The following TLK2 variants were observed in gnomAD, a reference collection of about 807,000 sequenced individuals.
The protein encoded by TLK2 is tousled like kinase 2.
In TLK2, 6 loss-of-function variants were observed where a neutral mutation model predicts 117.3. That is an observed-to-expected ratio of 0.05 (90% CI 0.03 to 0.10). TLK2 has a LOEUF of 0.10. TLK2 is among the 10% of genes least tolerant of loss of function. The pLI is 1.00. For missense variants in TLK2, 299 were observed against 901.2 expected (o/e 0.33, Z 8.56); for synonymous variants, 257 against 316.7 (o/e 0.81, Z 2.00).
chr17:62,505,407 A>ATT (rs544900638), intron 2 of TLK2, among the ~76,000 whole-genome samples: 34,814 of 53,456 alleles, frequency 0.65, 14,668 homozygotes, highest in East Asian at 0.86. Context: ...CCATACCCAG[A>ATT]TTTTTTTTTT....
chr17:62,540,277 CCTT>C (rs912762225), intron 7 of TLK2, among the ~76,000 whole-genome samples: 1 of 150,796 alleles, frequency 6.6e-6, no homozygotes, highest in Non-Finnish European at 1.5e-5. Context: ...CAACTTTTCT[CCTT>C]CTAATTGTTA....
chr17:62,527,993 G>A (rs898805265), intron 6 of TLK2, among the ~76,000 whole-genome samples: 5 of 152,026 alleles, frequency 3.3e-5, no homozygotes, highest in Admixed American at 3.3e-4. Context: ...CGCCCGCCTC[G>A]GCCTCCCAAA....
At chr17:62,504,025 C>A (rs1476694495) in intron 2 of TLK2, among the ~76,000 whole-genome samples, 1 of 152,262 alleles carries the variant, frequency 6.6e-6, no homozygotes, top group East Asian at 1.9e-4. Context: ...TGAGCCACCA[C>A]GCTCGGCCAG....
chr17:62,507,521 C>T (rs1300089143), intron 2 of TLK2: 1 of 152,136 alleles, frequency 6.6e-6, no homozygotes, highest in South Asian at 2.1e-4. Context: ...ATCTTCTTTA[C>T]TGGAGTATGG....
chr17:62,479,805 C>T (rs2071400074), intron 1 of TLK2, among the ~76,000 whole-genome samples: 1 of 152,200 alleles, frequency 6.6e-6, no homozygotes, highest in Non-Finnish European at 1.5e-5. Flanking sequence ...ATTTTCCGGG[C>T]CGGGCCTGGG....
At chr17:62,476,441 G>A (rs182509000), upstream of TLK2, among the ~76,000 whole-genome samples, 2 of 152,210 alleles carry the variant, frequency 1.3e-5, no homozygotes, top group African/African-American at 2.4e-5. Flanking sequence ...AAATAAGCCA[G>A]GTGTGGTGGT....
rs1364602627 is a variant in TLK2 at position 62,552,326 on chromosome 17, A to G, written c.556A>G (p.Thr186Ala). ...GGCTCAGCAAAACAGTCCCTCATCT[A>G]CGGGATCTGGCAACACAGAGCATTC... ...VSAQQNSPSSTGSGNTEHSCS... is the reference protein window; with the variant it reads ...VSAQQNSPSSAGSGNTEHSCS... The change falls in exon 8 of 22, where the codon ACG becomes GCG. Residue 186 changes from threonine to alanine, a missense_variant. Coordinates refer to ENST00000346027, the MANE Select transcript of TLK2 (RefSeq NM_006852.6). 2 of 1,613,478 alleles carry G rather than the reference A, an allele frequency of 1.2e-6. No homozygotes were observed. Among genetic ancestry groups the G allele is most frequent in the African/African-American group, 1.3e-5 (1 of 75,014 alleles).
rs1325809740 is a variant in TLK2 at position 62,615,333 on chromosome 17, G to A, written c.*2768G>A. 2.6e-5 allele frequency: 4 copies of A among 152,116 alleles called. No homozygotes were observed. Among genetic ancestry groups the A allele is most frequent in the Non-Finnish European group, 5.9e-5 (4 of 68,038 alleles). 9.4% of individuals were successfully genotyped at this position (152,116 alleles called of 1,614,324 possible). ...TTAATATGGGTTTCACTTTTTCCAA[G>A]AATAGTCCCTTGTTGCCACAATGTT... On this transcript the variant is annotated 3_prime_UTR_variant, in exon 22 of 22. Transcript: ENST00000346027.
At chr17:62,567,381 C>T (rs2079881883) in intron 11 of TLK2, among the ~76,000 whole-genome samples, 2 of 152,164 alleles carry the variant, frequency 1.3e-5, no homozygotes, top group South Asian at 4.1e-4. Flanking sequence ...TATAGAGCCA[C>T]CAGATCAGAG....
intron 15 of TLK2, among the ~76,000 whole-genome samples, chr17:62,582,383 T>A (rs964196896): frequency 2.6e-5 from 4 of 152,290 alleles, no homozygotes; most frequent in Non-Finnish European, 4.4e-5. Flanking sequence ...CTAGATTTTT[T>A]AAAAATATTT....
chr17:62,540,079 T>C (rs1436040246), intron 7 of TLK2, among the ~76,000 whole-genome samples: 3 of 147,118 alleles, frequency 2.0e-5, no homozygotes, highest in Non-Finnish European at 3.0e-5. Flanking sequence ...CTTTCTTCTT[T>C]CTTCTTCTTT....
chr17:62,492,193 A>T (rs1311639989), intron 2 of TLK2, among the ~76,000 whole-genome samples: 1 of 152,236 alleles, frequency 6.6e-6, no homozygotes, highest in African/African-American at 2.4e-5. Context: ...AAGGTTCTAT[A>T]GGATAAAATC....
intron 2 of TLK2, among the ~76,000 whole-genome samples, chr17:62,504,302 A>G (rs1337856525): frequency 1.3e-5 from 2 of 152,148 alleles, no homozygotes; most frequent in African/African-American, 2.4e-5. Flanking sequence ...TGAAACATCC[A>G]TAAGGTAGGT....
At position 62,509,663 on chromosome 17, in the gene TLK2, G is replaced by A. The variant is rs575434084; in HGVS notation, c.82-11110G>A. On this transcript the variant is annotated intron_variant, in intron 2 of 21. Transcript: ENST00000346027. ...TGAATGTGTTCCTTCCAAAATTCAGGTGTTGCCAGTGTATTAAGAGGTGAT... is the reference window on the plus strand; with the variant it reads ...TGAATGTGTTCCTTCCAAAATTCAGATGTTGCCAGTGTATTAAGAGGTGAT... Among the ~76,000 whole-genome samples the A allele has an allele frequency of 2.1e-4, 32 of 152,296 alleles. 1 individual carries two copies. In the South Asian group the frequency reaches 6.6e-3, roughly 32 times the overall value.
intron 7 of TLK2, 181 bp from the exon 8 acceptor site, chr17:62,552,121 C>G (rs978863346): frequency 2.8e-5 from 25 of 891,002 alleles, no homozygotes; most frequent in Non-Finnish European, 3.8e-5. Context: ...CATGTCCAGC[C>G]CTTTGTCTCA....
At chr17:62,479,351 G>GCATTAACCAAAGGGGCATTA (rs2071324261) in intron 1 of TLK2, 61 bp downstream of exon 1, 1 of 154,058 alleles carries the variant, frequency 6.5e-6, no homozygotes. Context: ...CCGTCCTGGG[G>GCATTAACCAAAGGGGCATTA]ACCCCTTTGG....
intron 9 of TLK2, among the ~76,000 whole-genome samples, chr17:62,558,802 A>G (rs2079044774): frequency 6.6e-6 from 1 of 152,240 alleles, no homozygotes. Context: ...GCTGTTTCTC[A>G]TGGGTTACTT....
chr17:62,473,096 T>C (rs2070972182), intron 1 of TLK2, among the ~76,000 whole-genome samples: 1 of 152,128 alleles, frequency 6.6e-6, no homozygotes, highest in Non-Finnish European at 1.5e-5. Flanking sequence ...TCCTGGTGTG[T>C]TTGCGTACAG....
At chr17:62,596,438 G>T (rs769546190) in intron 16 of TLK2, 147 bp from the exon 17 acceptor site, 58 of 605,444 alleles carry the variant, frequency 9.6e-5, no homozygotes, top group Non-Finnish European at 1.6e-4. Context: ...TGAGCAAAGA[G>T]AAAAGTCAGA....
Sources: allele counts gnomAD v4.1 joint callset (sites outside exome capture counted in the v4.1 genomes callset), GRCh38; gene constraint gnomAD v4.1.1; transcripts MANE v1.5; gene names NCBI Gene and HGNC (gene_info 2026-07-23, HGNC 2026-07-21).